The following HERC6 variants were observed in gnomAD, a reference collection of about 807,000 sequenced individuals.
The protein encoded by HERC6 is probable E3 ubiquitin-protein ligase HERC6.
A neutral mutation model predicts 114.5 loss-of-function variants in HERC6; 101 were observed. The ratio of observed to expected loss-of-function variants is 0.88; its 90% CI spans 0.75 to 1.04. The LOEUF is 1.04. HERC6 is among the 50% of genes least tolerant of loss of function. The pLI is 0.00. For synonymous variants in HERC6, 408 were observed against 436.2 expected (o/e 0.94, Z 0.81); for missense variants, 1,133 against 1,230.9 (o/e 0.92, Z 1.19).
chr4:88,440,455 T>C (rs908968150), intron 22 of HERC6: 4 of 512,002 alleles, frequency 7.8e-6, no homozygotes, highest in Non-Finnish European at 1.0e-5. Flanking sequence ...AGAGAATAGC[T>C]CTCTGCTACA....
Position 88,442,898 on chromosome 4 carries a change from C to CT in HERC6, c.*439dup, listed in dbSNP as rs1739473629. 1 of 189,566 alleles carries CT rather than the reference C, an allele frequency of 5.3e-6. No homozygotes were observed. Among genetic ancestry groups the CT allele is most frequent in the Admixed American group, 5.3e-5 (1 of 18,876 alleles). 11.7% of individuals were successfully genotyped at this position (189,566 alleles called of 1,614,324 possible). ...GCTGTGAGCCAATTCACCTCAGTCT[C>CT]TAATTGGCTGTGAGTCAGTCTTTCA... On this transcript the variant is annotated 3_prime_UTR_variant, in exon 23 of 23. Transcript: ENST00000264346.
At chr4:88,435,219 C>T (rs555072977) in intron 17 of HERC6, among the ~76,000 whole-genome samples, 2 of 152,248 alleles carry the variant, frequency 1.3e-5, no homozygotes, top group South Asian at 2.1e-4. Flanking sequence ...TTTCTTCTAC[C>T]TACCTTCTTG....
At chr4:88,441,706 T>C (rs899091817) in intron 22 of HERC6, among the ~76,000 whole-genome samples, 3 of 152,210 alleles carry the variant, frequency 2.0e-5, no homozygotes, top group African/African-American at 7.2e-5. Flanking sequence ...TGTCCACAGA[T>C]CCAACCTATT....
At chr4:88,425,340 G>A (rs72879380) in intron 15 of HERC6, among the ~76,000 whole-genome samples, 17,502 of 152,016 alleles carry the variant, frequency 0.12, 1,200 homozygotes, top group East Asian at 0.21. Flanking sequence ...GATATTTCAC[G>A]TTGATTTTAA....
Position 88,405,630 on chromosome 4 carries a change from A to G in HERC6, c.1274+17A>G. The stretch of plus-strand genomic sequence containing the variant: ...AAAGAAAAGGTAATACTTACATAAG[A>G]TTTACCTTCATTTAAAACACTGGAA... On this transcript the variant is annotated intron_variant, in intron 10 of 22. Transcript: ENST00000264346. 7.8e-7 allele frequency: 1 copy of G among 1,275,880 alleles called. No individual in the cohort carries two copies. The highest frequency in any genetic ancestry group is 1.1e-6 in the Non-Finnish European group (1 of 914,622). The allele number at this position is 1,275,880 out of a possible 1,614,324, so 79.0% of individuals were successfully genotyped here. A position where few individuals can be genotyped will look rare whatever the true frequency, so the allele number is the denominator to read the frequency against.
intron 8 of HERC6, 72 bp downstream of exon 8, chr4:88,398,281 T>G: frequency 1.2e-6 from 1 of 855,336 alleles, no homozygotes; most frequent in Non-Finnish European, 1.8e-6. Context: ...TTTGAAATAC[T>G]GTATTATTCA....
At chr4:88,415,752 C>A (rs1736419844) in intron 12 of HERC6, among the ~76,000 whole-genome samples, 1 of 152,196 alleles carries the variant, frequency 6.6e-6, no homozygotes, top group South Asian at 2.1e-4. Context: ...ATAGGACCAC[C>A]AGGTCTGATT....
rs1044280026 is a variant in HERC6 at position 88,397,044 on chromosome 4, A to G, written c.1024+57A>G. On this transcript the variant is annotated intron_variant, in intron 7 of 22. Coordinates refer to ENST00000264346, the MANE Select transcript of HERC6 (RefSeq NM_017912.4). Reference sequence around the variant, plus strand: ...TCATCAATGCCACTGGAAGAGAACTAGTATTCAGCTTCCTTTCAAAGGATC... The same window carrying G: ...TCATCAATGCCACTGGAAGAGAACTGGTATTCAGCTTCCTTTCAAAGGATC... The G allele has an allele frequency of 6.0e-6, 9 of 1,492,904 alleles. No homozygotes were observed. The Admixed American group carries it at 1.6e-4, about 26-fold the overall frequency. The allele number at this position is 1,492,904 out of a possible 1,614,324, so 92.5% of individuals were successfully genotyped here.
At chr4:88,384,009 G>GC (rs1734452781) in intron 2 of HERC6, among the ~76,000 whole-genome samples, 1 of 152,038 alleles carries the variant, frequency 6.6e-6, no homozygotes, top group Admixed American at 6.6e-5. Context: ...AAACATTTGA[G>GC]CTGCAAAAGA....
At position 88,440,044 on chromosome 4, in the gene HERC6, A is replaced by C; in HGVS notation, c.2726A>C (p.Lys909Thr). ...AIIGNTDYDW[K>T]QFEQNSKYEQ... is the part of the protein sequence containing the mutation. ...ATTGGAAATACTGATTATGACTGGA[A>C]ACAGTTTGAACAGGTAGGTGATACC... is the stretch of plus-strand genomic sequence containing the variant. The change falls in exon 21 of 23, where the codon AAA becomes ACA. Residue 909 changes from lysine (K) to threonine (T), a missense_variant. Lys to Thr is a moderately conservative substitution (Grantham distance 78). Transcript: ENST00000264346. 6.2e-7 allele frequency: 1 copy of C among 1,609,910 alleles called. No homozygotes were observed. The highest frequency in any genetic ancestry group is 1.7e-5 in the Admixed American group (1 of 59,048).
chr4:88,432,312 C>T (rs900652139), intron 17 of HERC6, among the ~76,000 whole-genome samples: 2 of 151,722 alleles, frequency 1.3e-5, no homozygotes, highest in Non-Finnish European at 2.9e-5. Context: ...GTCTGAAAAA[C>T]TCTGAGATCT....
chr4:88,379,719 T>TATATATAATATATAA (rs1734077061), intron 1 of HERC6, among the ~76,000 whole-genome samples: 4 of 103,354 alleles, frequency 3.9e-5, no homozygotes, highest in African/African-American at 1.6e-4. Context: ...AATATATAAA[T>TATATATAATATATAA]ATATATAATA....
chr4:88,415,819 A>G (rs983919441), intron 12 of HERC6, among the ~76,000 whole-genome samples: 2 of 152,234 alleles, frequency 1.3e-5, no homozygotes, highest in Non-Finnish European at 2.9e-5. Flanking sequence ...CAGCAGAGAA[A>G]GAATTTAATA....
chr4:88,442,084 G>T (rs779328657), intron 22 of HERC6, 150 bp from the exon 23 acceptor site: 1 of 650,140 alleles, frequency 1.5e-6, no homozygotes. Context: ...CAAATGTCAT[G>T]ATTTTTATAC....
intron 5 of HERC6, among the ~76,000 whole-genome samples, chr4:88,395,286 G>A (rs190237529): frequency 6.6e-6 from 1 of 152,132 alleles, no homozygotes; most frequent in Admixed American, 6.6e-5. Context: ...GAATGTTTTG[G>A]GAAGACAGTA....
In HERC6 at chr4:88,379,268, G is replaced by A. The variant is rs547331257; in HGVS notation, c.199+148G>A. On this transcript the variant is annotated intron_variant, in intron 1 of 22. Transcript: ENST00000264346. Reference sequence around the variant, plus strand: ...AGGTGCAGGGAGCGGCTCAGATGCTGGGCGCCGCGGGCCAGGCAGGGAGGG... The same window carrying A: ...AGGTGCAGGGAGCGGCTCAGATGCTAGGCGCCGCGGGCCAGGCAGGGAGGG... 2.5e-3 allele frequency: 1,568 copies of A among 615,804 alleles called. 19 individuals carry two copies. In the African/African-American group the frequency reaches 0.027, roughly 11 times the overall value. The allele number at this position is 615,804 out of a possible 1,614,324, so 38.1% of individuals were successfully genotyped here.
rs1737422490 is a variant in HERC6 at position 88,424,676 on chromosome 4, C to T, written c.1909C>T (p.Gln637Ter). The T allele has an allele frequency of 2.5e-6, 4 of 1,604,976 alleles. No homozygotes were observed. Among genetic ancestry groups the T allele is most frequent in the Admixed American group, 1.7e-5 (1 of 59,704 alleles). The change falls in exon 15 of 23, where the codon CAA becomes TAA. Residue 637 changes from glutamine to a stop codon, truncating the protein, a stop_gained. Coordinates refer to ENST00000264346, the MANE Select transcript of HERC6 (RefSeq NM_017912.4). LOFTEE classifies it high-confidence loss of function. ...FNSLSKIKLLQADSHIKMQMS... is the reference protein window; with the variant it reads ...FNSLSKIKLL ...TTCGCTATCCAAAATTAAATTATTG[C>T]AAGCTGATTCACATATAAAGATGCA...
chr4:88,390,767 T>C lies in HERC6; in HGVS notation c.552T>C (p.Ala184=). 6.2e-7 allele frequency: 1 copy of C among 1,614,086 alleles called. No homozygotes were observed. Among genetic ancestry groups the C allele is most frequent in the South Asian group, 1.1e-5 (1 of 91,076 alleles). Residue 184 remains alanine, a synonymous_variant, in exon 4 of 23, where the codon GCT becomes GCC. Transcript: ENST00000264346. ...GGTCCCTGGAGGGGATCCCACTGGC[T>C]CAGGTGGCTGCCGGAGGGGCTCACA... is the stretch of plus-strand genomic sequence containing the variant. ...RVRSLEGIPL[A]QVAAGGAHSF... is the part of the protein sequence containing the mutation.
chr4:88,431,299 T>C lies in HERC6; in HGVS notation c.2244T>C (p.Pro748=), dbSNP rs376325159. ...YPEMGSCMWF[P]AKPKPEKKRY... The stretch of plus-strand genomic sequence containing the variant: ...AAATGGGTTCCTGCATGTGGTTTCC[T>C]GCCAAGGTAAGTCTTTTCTTTTTTT... The change falls in exon 17 of 23, where the codon CCT becomes CCC. Residue 748 remains proline (P), a synonymous_variant. Transcript: ENST00000264346. The C allele has an allele frequency of 6.3e-7, 1 of 1,588,824 alleles. No homozygotes were observed. Among genetic ancestry groups the C allele is most frequent in the African/African-American group, 1.4e-5 (1 of 72,796 alleles).
Sources: allele counts gnomAD v4.1 joint callset (sites outside exome capture counted in the v4.1 genomes callset), GRCh38; gene constraint gnomAD v4.1.1; transcripts MANE v1.5; gene names NCBI Gene and HGNC (gene_info 2026-07-23, HGNC 2026-07-21).